The following WDR72 variants were observed in gnomAD, a reference collection of about 807,000 sequenced individuals.
WDR72 encodes WD repeat domain 72.
Under a neutral mutation model 124.2 loss-of-function variants are expected in WDR72, and 120 were observed. That is an observed-to-expected ratio of 0.97 (90% confidence interval 0.83 to 1.12). WDR72 has a LOEUF of 1.12. Among genes scored for constraint, WDR72 ranks in the 50% most tolerant of loss-of-function variants. The pLI is 0.00. For missense variants in WDR72, 1,387 were observed against 1,278.8 expected (o/e 1.08, Z -1.29); for synonymous variants, 452 against 441.7 (o/e 1.02, Z -0.29).
chr15:53,536,420 A>AC (rs1566947486), intron 18 of WDR72, among the ~76,000 whole-genome samples: 1 of 151,934 alleles, frequency 6.6e-6, no homozygotes. Context: ...ACTTCAACTT[A>AC]TTTTTTTTAC....
intron 13 of WDR72, among the ~76,000 whole-genome samples, chr15:53,675,341 CAAAA>C (rs58306742): frequency 1.3e-4 from 16 of 126,484 alleles, no homozygotes; most frequent in East Asian, 2.2e-4. Context: ...GACTCTGTCT[CAAAA>C]AAAAAAAAAA....
chr15:53,541,172 G>C (rs1220988310), intron 18 of WDR72: 1 of 153,414 alleles, frequency 6.5e-6, no homozygotes, highest in African/African-American at 2.4e-5. Flanking sequence ...GCCTCTGTAG[G>C]CTCCACCTCT....
At chr15:53,594,964 C>G (rs530336244) in intron 18 of WDR72, among the ~76,000 whole-genome samples, 20 of 152,206 alleles carry the variant, frequency 1.3e-4, no homozygotes, top group African/African-American at 4.6e-4. Context: ...GGATAGTTCT[C>G]TCTTCGATGT....
intron 18 of WDR72, 141 bp from the exon 19 acceptor site, chr15:53,523,463 T>C: frequency 1.3e-6 from 1 of 789,514 alleles, no homozygotes; most frequent in Non-Finnish European, 2.1e-6. Context: ...TAAATTGAAA[T>C]AAAATGTATC....
intron 14 of WDR72, among the ~76,000 whole-genome samples, chr15:53,658,048 T>G (rs916923132): frequency 6.6e-6 from 1 of 152,194 alleles, no homozygotes; most frequent in Non-Finnish European, 1.5e-5. Flanking sequence ...TGCAGCTTTT[T>G]CAAATCCTGC....
intron 18 of WDR72, among the ~76,000 whole-genome samples, chr15:53,537,686 G>T (rs1004952295): frequency 6.6e-6 from 1 of 152,104 alleles, no homozygotes; most frequent in Non-Finnish European, 1.5e-5. Flanking sequence ...AGTAAATTCA[G>T]TATTATTATT....
At chr15:53,619,828 T>G (rs899517777) in intron 14 of WDR72, among the ~76,000 whole-genome samples, 5 of 152,120 alleles carry the variant, frequency 3.3e-5, no homozygotes, top group Non-Finnish European at 7.4e-5. Flanking sequence ...TTCTTGTTAA[T>G]TCTAATATGC....
chr15:53,741,000 A>G (rs1024464658), intron 1 of WDR72, among the ~76,000 whole-genome samples: 4 of 152,228 alleles, frequency 2.6e-5, no homozygotes, highest in Non-Finnish European at 5.9e-5. Flanking sequence ...TCCATATGTC[A>G]AACTTTTTCA....
At chr15:53,694,568 T>C (rs1245467608) in intron 13 of WDR72, among the ~76,000 whole-genome samples, 5 of 152,288 alleles carry the variant, frequency 3.3e-5, no homozygotes, top group East Asian at 3.9e-4. Context: ...GCTGTTCTTA[T>C]CTAATTCCCT....
chr15:53,623,123 T>A (rs1347270815), intron 14 of WDR72, among the ~76,000 whole-genome samples: 1 of 152,150 alleles, frequency 6.6e-6, no homozygotes. Context: ...TTTGATTTCT[T>A]AATTAACTAA....
In WDR72 at chr15:53,711,382, T is replaced by A. The variant is rs1323989520; in HGVS notation, c.811A>T (p.Ile271Phe). 1.9e-6 allele frequency: 3 copies of A among 1,614,088 alleles called. No individual in the cohort carries two copies. The highest frequency in any genetic ancestry group is 2.7e-5 in the African/African-American group (2 of 74,928). Residue 271 changes from isoleucine (I) to phenylalanine (F), a missense_variant, in exon 8 of 20, where the codon ATC becomes TTC. Physicochemically the swap from Ile to Phe is conservative, Grantham distance 21. Transcript: ENST00000360509. ...TAACTGTGACCATCTTCTGTCCAGA[T>A]GAGGATTCTGTGAGCAGCAATCACT... ...GEVIAAHRIL[I>F]WTEDGHSYIY...
rs1891383812 is a variant in WDR72 at position 53,515,081 on chromosome 15, ATG to A, written c.*2616_*2617del. Reference sequence around the variant, plus strand: ...TATATATATACACACATATATATGTATGTATACACACACACACACACACACAA... The same window carrying A: ...TATATATATACACACATATATATGTATATACACACACACACACACACACAA... On this transcript the variant is annotated 3_prime_UTR_variant, in exon 20 of 20. Coordinates refer to ENST00000360509, the MANE Select transcript of WDR72 (RefSeq NM_182758.4). The A allele has an allele frequency of 2.8e-4, 7 of 24,842 alleles. No individual in the cohort carries two copies. The South Asian group carries it at 9.8e-3, about 35-fold the overall frequency. The allele number at this position is 24,842 out of a possible 1,614,324, so 1.5% of individuals were successfully genotyped here. A position where few individuals can be genotyped will look rare whatever the true frequency, so the allele number is the denominator to read the frequency against.
At chr15:53,628,623 G>T (rs949084541) in intron 14 of WDR72, among the ~76,000 whole-genome samples, 2 of 152,060 alleles carry the variant, frequency 1.3e-5, no homozygotes, top group African/African-American at 4.8e-5. Flanking sequence ...ATGGTACTTA[G>T]ATACAAAAAG....
At chr15:53,730,828 A>C (rs1359966321) in intron 2 of WDR72, among the ~76,000 whole-genome samples, 1 of 152,148 alleles carries the variant, frequency 6.6e-6, no homozygotes, top group African/African-American at 2.4e-5. Flanking sequence ...GTATTAACCC[A>C]TTAATCTACT....
chr15:53,589,517 C>G (rs1231693516), intron 18 of WDR72, among the ~76,000 whole-genome samples: 1 of 151,590 alleles, frequency 6.6e-6, no homozygotes, highest in Non-Finnish European at 1.5e-5. Context: ...GATAAATAGA[C>G]CTGATCCCTG....
chr15:53,741,820 C>T (rs550869746), intron 1 of WDR72, among the ~76,000 whole-genome samples: 2 of 152,106 alleles, frequency 1.3e-5, no homozygotes, highest in African/African-American at 4.8e-5. Flanking sequence ...CTCTGCCTCC[C>T]AAGTTCAAGC....
At chr15:53,551,855 G>GACACAC (rs148675620) in intron 18 of WDR72, among the ~76,000 whole-genome samples, 4 of 149,568 alleles carry the variant, frequency 2.7e-5, no homozygotes, top group African/African-American at 7.4e-5. Flanking sequence ...AGAATACACA[G>GACACAC]ACACACACAC....
At chr15:53,653,920 T>C (rs690058) in intron 14 of WDR72, among the ~76,000 whole-genome samples, 7,391 of 152,168 alleles carry the variant, frequency 0.049, 621 homozygotes, top group African/African-American at 0.17. Flanking sequence ...AAATAGAAAT[T>C]TGAATTTTAT....
intron 18 of WDR72, among the ~76,000 whole-genome samples, chr15:53,557,801 A>C (rs1893985701): frequency 6.6e-6 from 1 of 152,040 alleles, no homozygotes; most frequent in Non-Finnish European, 1.5e-5. Context: ...CAGTTCAAAA[A>C]ATGTTTTACA....
Sources: gnomAD v4.1 joint callset for allele counts (sites outside exome capture counted in the v4.1 genomes callset) on GRCh38, gnomAD v4.1.1 for gene constraint, MANE v1.5 for transcripts, NCBI Gene and HGNC (gene_info 2026-07-23, HGNC 2026-07-21) for gene names.